The following ANAPC4 variants were observed in gnomAD, a reference collection of about 807,000 sequenced individuals.
ANAPC4 encodes anaphase promoting complex subunit 4.
Under a neutral mutation model 119.8 loss-of-function variants are expected in ANAPC4, and 63 were observed. The observed-to-expected ratio is 0.53, with a 90% CI of 0.43 to 0.65. ANAPC4 has a LOEUF of 0.65. ANAPC4 is among the 30% of genes least tolerant of loss of function. The probability of loss-of-function intolerance (pLI) is 0.00; values close to 1 mark genes in which losing one functional copy is unlikely to be tolerated. For synonymous variants in ANAPC4, 283 were observed against 318.6 expected (o/e 0.89, Z 1.19); for missense variants, 716 against 945.1 (o/e 0.76, Z 3.18).
intron 20 of ANAPC4, among the ~76,000 whole-genome samples, chr4:25,408,300 A>G (rs2109139286): frequency 6.6e-6 from 1 of 152,190 alleles, no homozygotes; most frequent in East Asian, 1.9e-4. Context: ...TTTACATTAA[A>G]ATTCATTCAT....
chr4:25,385,498 T>C (rs1254084549), intron 4 of ANAPC4, among the ~76,000 whole-genome samples: 2 of 152,210 alleles, frequency 1.3e-5, no homozygotes, highest in African/African-American at 2.4e-5. Flanking sequence ...TACTCTAGAT[T>C]AGGCTTTGGC....
chr4:25,381,707 T>G (rs1316003871), intron 3 of ANAPC4, among the ~76,000 whole-genome samples: 1 of 152,070 alleles, frequency 6.6e-6, no homozygotes. Flanking sequence ...CCCAGCACTT[T>G]GGGAGGCTGA....
At chr4:25,385,538 G>A (rs927935773) in intron 4 of ANAPC4, among the ~76,000 whole-genome samples, 1 of 152,186 alleles carries the variant, frequency 6.6e-6, no homozygotes, top group Non-Finnish European at 1.5e-5. Flanking sequence ...GGTTTGATCT[G>A]TCCAGATCAC....
chr4:25,388,522 G>A lies in ANAPC4; in HGVS notation c.391G>A (p.Ala131Thr), dbSNP rs200778308. Residue 131 changes from alanine (A) to threonine (T), a missense_variant, in exon 5 of 29, where the codon GCT becomes ACT. Coordinates refer to ENST00000315368, the MANE Select transcript of ANAPC4 (RefSeq NM_013367.3). The stretch of plus-strand genomic sequence containing the variant: ...TAGTGTTCTCACATCATTTTATAAT[G>A]CTGAGGATGAATCAAATCTTCTCTT... ...ESSVLTSFYN[A>T]EDESNLLLPK... 8.7e-6 allele frequency: 14 copies of A among 1,600,606 alleles called. No individual in the cohort carries two copies. The highest frequency in any genetic ancestry group is 1.1e-5 in the Non-Finnish European group (13 of 1,168,986).
intron 4 of ANAPC4, among the ~76,000 whole-genome samples, chr4:25,386,456 C>T (rs2109114544): frequency 6.6e-6 from 1 of 152,202 alleles, no homozygotes; most frequent in Admixed American, 6.5e-5. Flanking sequence ...GTGATTTGCC[C>T]TCCTCGGCCT....
chr4:25,397,270 G>C (rs1722709837), intron 16 of ANAPC4, among the ~76,000 whole-genome samples: 1 of 152,138 alleles, frequency 6.6e-6, no homozygotes, highest in Non-Finnish European at 1.5e-5. Context: ...TGTTAGGCTT[G>C]CTTGTTTTCT....
intron 3 of ANAPC4, among the ~76,000 whole-genome samples, 165 bp from the exon 4 acceptor site, chr4:25,383,095 GC>G (rs1413304475): frequency 1.3e-5 from 2 of 152,254 alleles, no homozygotes; most frequent in Non-Finnish European, 2.9e-5. Context: ...TACAATATAT[GC>G]AAATATTTCT....
chr4:25,401,018 C>G lies in ANAPC4; in HGVS notation c.1215-1953C>G, dbSNP rs560214880. 2.6e-5 allele frequency among the ~76,000 whole-genome samples: 4 copies of G among 152,252 alleles called. No homozygotes were observed. The East Asian group carries it at 7.7e-4, about 29-fold the overall frequency. ...TAAACTGAACCATTCTCTTCAATTT[C>G]TTATTATAGCAGTTCTTTCTTTTAA... On this transcript the variant is annotated intron_variant, in intron 16 of 28. Coordinates refer to ENST00000315368, the MANE Select transcript of ANAPC4 (RefSeq NM_013367.3).
intron 3 of ANAPC4, among the ~76,000 whole-genome samples, chr4:25,382,094 A>G (rs1196589689): frequency 1.0e-4 from 15 of 144,032 alleles, no homozygotes; most frequent in Non-Finnish European, 2.3e-4. Context: ...GGTGCATACC[A>G]TTTTGTTGTA....
In ANAPC4 at chr4:25,409,688, G is replaced by C; in HGVS notation, c.1432-10G>C. On this transcript the variant is annotated splice_polypyrimidine_tract_variant and intron_variant, in intron 20 of 28. Coordinates refer to ENST00000315368, the MANE Select transcript of ANAPC4 (RefSeq NM_013367.3). ...TGAATAAACTTAAATTTCTAATTCT[G>C]TATTTCTAGTACTTGAAAGATGAAG... 2 of 1,579,088 alleles carry C rather than the reference G, an allele frequency of 1.3e-6. No homozygotes were observed. The highest frequency in any genetic ancestry group is 1.7e-6 in the Non-Finnish European group (2 of 1,154,042).
intron 10 of ANAPC4, among the ~76,000 whole-genome samples, chr4:25,393,410 C>G (rs1722461898): frequency 6.6e-6 from 1 of 152,102 alleles, no homozygotes; most frequent in African/African-American, 2.4e-5. Flanking sequence ...ACCTATAATC[C>G]CAGCACTTTG....
chr4:25,391,131 C>T (rs73254164), intron 9 of ANAPC4, 116 bp downstream of exon 9: 38,775 of 720,942 alleles, frequency 0.054, 1,351 homozygotes, highest in African/African-American at 0.12. Flanking sequence ...GCAAAAAAAT[C>T]GACTTGGAAT....
At chr4:25,398,168 T>G (rs73254167) in intron 16 of ANAPC4, among the ~76,000 whole-genome samples, 8,543 of 152,310 alleles carry the variant, frequency 0.056, 307 homozygotes, top group African/African-American at 0.1. Context: ...TCTCTTACAT[T>G]TTTCATATCT....
Position 25,418,490 on chromosome 4 carries a change from A to G in ANAPC4, c.*108A>G. The G allele has an allele frequency of 2.3e-6, 2 of 864,248 alleles. No homozygotes were observed. The highest frequency in any genetic ancestry group is 3.5e-6 in the Non-Finnish European group (2 of 568,920). The allele number at this position is 864,248 out of a possible 1,614,324, so 53.5% of individuals were successfully genotyped here. On this transcript the variant is annotated 3_prime_UTR_variant, in exon 29 of 29. Coordinates refer to ENST00000315368, the MANE Select transcript of ANAPC4 (RefSeq NM_013367.3). ...AACAAAGAAATAAACAGTAAATTTTATTTTTTCATATTCTGCTTCATCTTC... is the reference window on the plus strand; with the variant it reads ...AACAAAGAAATAAACAGTAAATTTTGTTTTTTCATATTCTGCTTCATCTTC...
intron 4 of ANAPC4, 94 bp from the exon 5 acceptor site, chr4:25,388,406 A>G: frequency 1.2e-6 from 1 of 826,002 alleles, no homozygotes; most frequent in Non-Finnish European, 2.0e-6. Flanking sequence ...TAATGTTGTA[A>G]AACTGGGTAT....
At position 25,414,708 on chromosome 4, in the gene ANAPC4, T is replaced by G; in HGVS notation, c.1826+8T>G. ...ACATACTGATATTTCTCAGTAAGTA[T>G]TAATCTGAAGTTTGAATCAAAGAGA... On this transcript the variant is annotated splice_region_variant and intron_variant, in intron 25 of 28. Transcript: ENST00000315368. 6.7e-7 allele frequency: 1 copy of G among 1,500,584 alleles called. No homozygotes were observed. Among genetic ancestry groups the G allele is most frequent in the Non-Finnish European group, 9.0e-7 (1 of 1,116,728 alleles). 93.0% of individuals were successfully genotyped at this position (1,500,584 alleles called of 1,614,324 possible).
Position 25,409,721 on chromosome 4 carries a change from T to A in ANAPC4, c.1455T>A (p.Asp485Glu). ...AGTACTTGAAAGATGAAGATGATGATCTTGTGTCACCCCCTAACACAGAAG... is the reference window on the plus strand; with the variant it reads ...AGTACTTGAAAGATGAAGATGATGAACTTGTGTCACCCCCTAACACAGAAG... ...VGQYLKDEDD[D>E]LVSPPNTEGN... The change falls in exon 21 of 29, where the codon GAT becomes GAA. Residue 485 changes from aspartate (D) to glutamate (E), a missense_variant. Coordinates refer to ENST00000315368, the MANE Select transcript of ANAPC4 (RefSeq NM_013367.3). The A allele has an allele frequency of 6.2e-7, 1 of 1,612,740 alleles. No individual in the cohort carries two copies. Among genetic ancestry groups the A allele is most frequent in the Non-Finnish European group, 8.5e-7 (1 of 1,178,956 alleles).
At position 25,377,301 on chromosome 4, in the gene ANAPC4, A is replaced by G; in HGVS notation, c.-54A>G. On this transcript the variant is annotated 5_prime_UTR_variant, in exon 1 of 29. Transcript: ENST00000315368. Reference sequence around the variant, plus strand: ...CGCGCGGCCGGCAGAGGGAGGGGAGAGGCCACTGGGGCCGTGTTAGTCTGC... The same window carrying G: ...CGCGCGGCCGGCAGAGGGAGGGGAGGGGCCACTGGGGCCGTGTTAGTCTGC... 6.9e-6 allele frequency: 9 copies of G among 1,304,518 alleles called. No homozygotes were observed. Among genetic ancestry groups the G allele is most frequent in the Non-Finnish European group, 9.3e-6 (9 of 971,542 alleles). 80.8% of individuals were successfully genotyped at this position (1,304,518 alleles called of 1,614,324 possible). A position where few individuals can be genotyped will look rare whatever the true frequency, so the allele number is the denominator to read the frequency against.
At chr4:25,415,729 A>C in intron 26 of ANAPC4, 189 bp downstream of exon 26, 1 of 534,926 alleles carries the variant, frequency 1.9e-6, no homozygotes, top group East Asian at 3.1e-5. Context: ...ATAGAACCTT[A>C]CTGCCCTGCA....
Sources: gnomAD v4.1 joint callset for allele counts (sites outside exome capture counted in the v4.1 genomes callset) on GRCh38, gnomAD v4.1.1 for gene constraint, MANE v1.5 for transcripts, NCBI Gene and HGNC (gene_info 2026-07-23, HGNC 2026-07-21) for gene names.